Variants in DIPK1A observed in about 807,000 individuals in gnomAD.
The protein encoded by DIPK1A is divergent protein kinase domain 1A, also known as family with sequence similarity 69 member A.
In DIPK1A, 27 loss-of-function variants were observed where a neutral mutation model predicts 40.8. That is an observed-to-expected ratio of 0.66 (90% CI 0.49 to 0.91). DIPK1A has a LOEUF of 0.91. Ranked by LOEUF, DIPK1A falls within the 40% of genes least tolerant of loss-of-function variation. The probability of loss-of-function intolerance (pLI) is 0.00; values close to 1 mark genes in which losing one functional copy is unlikely to be tolerated. For missense variants in DIPK1A, 412 were observed against 505.7 expected, an observed-to-expected ratio of 0.81 and a Z score of 1.78; for synonymous variants, 166 against 171.3, an observed-to-expected ratio of 0.97 and a Z score of 0.24.
intron 2 of DIPK1A, among the ~76,000 whole-genome samples, chr1:92,867,500 TTTGTTGTTG>T (rs530607989): frequency 6.6e-6 from 1 of 151,806 alleles, no homozygotes; most frequent in Non-Finnish European, 1.5e-5. Flanking sequence ...AGATATAAAC[TTTGTTGTTG>T]TTGTTGTTGT....
chr1:92,961,260 G>T, intron 1 of DIPK1A, 116 bp downstream of exon 1: 1 of 598,596 alleles, frequency 1.7e-6, no homozygotes, highest in South Asian at 4.0e-5. Context: ...GGGCAGCGGG[G>T]TTCGGGCGGG....
At chr1:92,906,071 T>C (rs1209256031) in intron 1 of DIPK1A, among the ~76,000 whole-genome samples, 1 of 152,222 alleles carries the variant, frequency 6.6e-6, no homozygotes, top group Admixed American at 6.5e-5. Context: ...CCTTTAGTTT[T>C]GTTCTTTTTG....
intron 3 of DIPK1A, among the ~76,000 whole-genome samples, chr1:92,850,232 A>G (rs771788466): frequency 2.8e-4 from 42 of 152,192 alleles, no homozygotes; most frequent in Non-Finnish European, 5.6e-4. Flanking sequence ...AGCCTCCCAA[A>G]GTGTTGGGAT....
chr1:92,904,702 A>G (rs1649538817), intron 1 of DIPK1A, among the ~76,000 whole-genome samples: 1 of 152,074 alleles, frequency 6.6e-6, no homozygotes, highest in Admixed American at 6.6e-5. Flanking sequence ...TAAATGTACA[A>G]TAAATTACTG....
At chr1:92,833,165 C>G in intron 4 of DIPK1A, 1 of 653,996 alleles carries the variant, frequency 1.5e-6, no homozygotes, top group South Asian at 1.7e-5. Flanking sequence ...CCATATTTCT[C>G]TAAGGATTCA....
intron 1 of DIPK1A, among the ~76,000 whole-genome samples, chr1:92,952,222 G>A (rs1425353808): frequency 1.3e-5 from 2 of 152,014 alleles, no homozygotes; most frequent in Admixed American, 1.3e-4. Context: ...TATCAATAAT[G>A]CTGAGATTAA....
intron 1 of DIPK1A, among the ~76,000 whole-genome samples, chr1:92,922,458 C>A (rs758072362): frequency 2.0e-5 from 3 of 151,630 alleles, no homozygotes; most frequent in Non-Finnish European, 4.4e-5. Context: ...CAATTTCGTC[C>A]GGGGAGAATA....
intron 1 of DIPK1A, among the ~76,000 whole-genome samples, chr1:92,960,736 C>T (rs999095492): frequency 6.6e-6 from 1 of 152,236 alleles, no homozygotes; most frequent in African/African-American, 2.4e-5. Flanking sequence ...AGCAAACACC[C>T]ATCCGCCTGG....
rs146720490 is a variant in DIPK1A at position 92,868,509 on chromosome 1, T to C, written c.189+7787A>G. 3.3e-3 allele frequency among the ~76,000 whole-genome samples: 509 copies of C among 152,310 alleles called. 1 individual carries two copies. Among genetic ancestry groups the C allele is most frequent in the African/African-American group, 0.012 (485 of 41,570 alleles). On this transcript the variant is annotated intron_variant, in intron 2 of 4. Transcript: ENST00000370310. ...CCTCTCATCACCTTCCAATTCAAAA[T>C]GCCATCTTTTCAGGCAGGTTTTTCC... is the stretch of plus-strand genomic sequence containing the variant.
intron 1 of DIPK1A, among the ~76,000 whole-genome samples, chr1:92,922,209 G>GCCTT (rs34741191): frequency 2.8e-4 from 43 of 151,360 alleles, no homozygotes; most frequent in African/African-American, 9.5e-4. Flanking sequence ...TTTATCTATA[G>GCCTT]TTTTATTGAA....
chr1:92,839,264 C>T (rs916595397), downstream of DIPK1A, among the ~76,000 whole-genome samples: 3 of 152,116 alleles, frequency 2.0e-5, no homozygotes, highest in African/African-American at 7.2e-5. Context: ...GAGGCTGAGG[C>T]AGAAGAATTG....
At chr1:92,916,859 C>T (rs1169572348) in intron 1 of DIPK1A, among the ~76,000 whole-genome samples, 4 of 152,128 alleles carry the variant, frequency 2.6e-5, no homozygotes, top group South Asian at 2.1e-4. Flanking sequence ...CTCAGAATAA[C>T]GATAATCTAA....
chr1:92,905,421 T>C (rs1436514690), intron 1 of DIPK1A, among the ~76,000 whole-genome samples: 1 of 152,188 alleles, frequency 6.6e-6, no homozygotes, highest in East Asian at 1.9e-4. Flanking sequence ...TTGCCATTTG[T>C]ATGTTTTCTT....
intron 1 of DIPK1A, among the ~76,000 whole-genome samples, chr1:92,917,663 C>A (rs1345250926): frequency 3.3e-5 from 5 of 152,168 alleles, no homozygotes; most frequent in Non-Finnish European, 7.4e-5. Context: ...TGATCAAAGG[C>A]TCTAGGAAGG....
rs577194032 is a variant in DIPK1A, at chr1:92,856,867, G to A, written c.190-5912C>T. Among the ~76,000 whole-genome samples, 122 of 152,304 alleles carry A rather than the reference G, an allele frequency of 8.0e-4. 1 individual carries two copies. Among genetic ancestry groups the A allele is most frequent in the African/African-American group, 2.8e-3 (118 of 41,556 alleles). ...GTACTGGGAGATTTGCCATCCAGAT[G>A]CAGTTTGTGAGAGTGGAAAATGGGT... is the stretch of plus-strand genomic sequence containing the variant. On this transcript the variant is annotated intron_variant, in intron 2 of 4. Transcript: ENST00000370310.
At chr1:92,961,336 G>A (rs1322294749) in intron 1 of DIPK1A, 40 bp downstream of exon 1, 2 of 1,458,158 alleles carry the variant, frequency 1.4e-6, no homozygotes, top group Non-Finnish European at 1.8e-6. Flanking sequence ...CACACGGCCG[G>A]GTGCTCCCGC....
chr1:92,836,059 T>G, intron 4 of DIPK1A: 1 of 791,170 alleles, frequency 1.3e-6, no homozygotes, highest in Non-Finnish European at 2.3e-6. Context: ...GTGGATCTGG[T>G]GAAAGGGTGG....
chr1:92,954,052 A>G (rs1651743013), intron 1 of DIPK1A, among the ~76,000 whole-genome samples: 1 of 152,240 alleles, frequency 6.6e-6, no homozygotes, highest in Non-Finnish European at 1.5e-5. Context: ...AAATTCATTT[A>G]CTAATATTTT....
intron 1 of DIPK1A, among the ~76,000 whole-genome samples, chr1:92,960,194 C>T (rs1652015583): frequency 6.6e-6 from 1 of 152,056 alleles, no homozygotes; most frequent in Non-Finnish European, 1.5e-5. Flanking sequence ...CAGTTTTATT[C>T]GTACACGCTT....
Sources: gnomAD v4.1 joint callset for allele counts (sites outside exome capture counted in the v4.1 genomes callset) on GRCh38, gnomAD v4.1.1 for gene constraint, MANE v1.5 for transcripts, NCBI Gene and HGNC (gene_info 2026-07-23, HGNC 2026-07-21) for gene names.